Variants in ZNF512 observed in about 807,000 individuals in gnomAD.
ZNF512 encodes the protein zinc finger protein 512.
Under a neutral mutation model 77.5 loss-of-function variants are expected in ZNF512, and 25 were observed. The observed-to-expected ratio is 0.32, with a 90% CI of 0.23 to 0.45. The LOEUF (loss-of-function observed/expected upper bound fraction) is 0.45, where lower values mean the gene tolerates loss of function less well. ZNF512 is among the 20% of genes least tolerant of loss of function. ZNF512 has a pLI of 1.00. For missense variants in ZNF512, 483 were observed against 692.6 expected (o/e 0.70, Z 3.40); for synonymous variants, 246 against 239.9 (o/e 1.03, Z -0.24).
intron 10 of ZNF512, among the ~76,000 whole-genome samples, chr2:27,610,045 A>AAAT (rs1672542963): frequency 6.6e-6 from 1 of 151,482 alleles, no homozygotes; most frequent in Admixed American, 6.6e-5. Context: ...CATCTCAAAA[A>AAAT]AATAATAATA....
At chr2:27,586,040 T>G (rs570302896) in intron 2 of ZNF512, among the ~76,000 whole-genome samples, 1 of 152,308 alleles carries the variant, frequency 6.6e-6, no homozygotes, top group African/African-American at 2.4e-5. Flanking sequence ...CAAGAGTTAA[T>G]TATGATCATA....
At chr2:27,587,558 T>G (rs1572902593) in intron 2 of ZNF512, among the ~76,000 whole-genome samples, 1 of 152,026 alleles carries the variant, frequency 6.6e-6, no homozygotes, top group African/African-American at 2.4e-5. Flanking sequence ...ATTACATGCT[T>G]GAGCCACCAC....
rs1470539486 is a variant in ZNF512 at position 27,621,672 on chromosome 2, C to G, written c.*211C>G. On this transcript the variant is annotated 3_prime_UTR_variant, in exon 14 of 14. Transcript: ENST00000355467. The stretch of plus-strand genomic sequence containing the variant: ...AGTAGGTTTTCCTGCTATTCCTCGT[C>G]AAGTCCTCTTGTTTTTTTATCTTGC... 4 of 520,758 alleles carry G rather than the reference C, an allele frequency of 7.7e-6. No homozygotes were observed. Among genetic ancestry groups the G allele is most frequent in the African/African-American group, 5.7e-5 (3 of 52,282 alleles). The allele number at this position is 520,758 out of a possible 1,614,324, so 32.3% of individuals were successfully genotyped here.
chr2:27,587,722 C>T (rs1384532325), intron 2 of ZNF512, among the ~76,000 whole-genome samples: 1 of 150,626 alleles, frequency 6.6e-6, no homozygotes, highest in African/African-American at 2.4e-5. Flanking sequence ...ACTCTTGTTG[C>T]CCAGGCTGGA....
intron 2 of ZNF512, among the ~76,000 whole-genome samples, chr2:27,587,383 T>C (rs1022593591): frequency 6.6e-6 from 1 of 151,704 alleles, no homozygotes; most frequent in East Asian, 1.9e-4. Context: ...TTTAACTGAT[T>C]CTTCTGCCTT....
intron 9 of ZNF512, among the ~76,000 whole-genome samples, chr2:27,604,394 A>G (rs1006700370): frequency 1.3e-5 from 2 of 151,846 alleles, no homozygotes; most frequent in African/African-American, 4.8e-5. Flanking sequence ...ATTTGTTAAG[A>G]TACAATTTAC....
intron 1 of ZNF512, chr2:27,583,407 C>T (rs1049631999): frequency 7.0e-7 from 1 of 1,437,102 alleles, no homozygotes; most frequent in Non-Finnish European, 9.1e-7. Flanking sequence ...GTTGTCTTTT[C>T]TTTTGGCCTC....
chr2:27,610,370 A>T (rs534384737), intron 10 of ZNF512, among the ~76,000 whole-genome samples: 6,250 of 147,458 alleles, frequency 0.042, 222 homozygotes, highest in Middle Eastern at 0.063. Flanking sequence ...TATCAAAAAA[A>T]AAAAAAATAA....
chr2:27,610,313 G>A (rs1436468889), intron 10 of ZNF512, among the ~76,000 whole-genome samples: 2 of 142,718 alleles, frequency 1.4e-5, no homozygotes, highest in African/African-American at 2.6e-5. Flanking sequence ...GCAGTGAGCC[G>A]AGATTGTGCC....
intron 12 of ZNF512, among the ~76,000 whole-genome samples, chr2:27,616,678 A>T (rs73921571): frequency 0.033 from 5,072 of 152,242 alleles, 279 homozygotes; most frequent in African/African-American, 0.12. Context: ...ACTTTGTAGA[A>T]TCACCTTACA....
rs775681456 is a variant in ZNF512 at position 27,599,552 on chromosome 2, G to A, written c.278-31G>A. The A allele has an allele frequency of 3.9e-6, 6 of 1,556,082 alleles. No individual in the cohort carries two copies. In the African/African-American group the frequency reaches 6.8e-5, roughly 18 times the overall value. On this transcript the variant is annotated intron_variant, in intron 3 of 13. Transcript: ENST00000355467. Reference sequence around the variant, plus strand: ...GATGTTCATTTACAAAGTGTGCTGAGTTTTTGTTTTGTTTTTGTATGGTAC... The same window carrying A: ...GATGTTCATTTACAAAGTGTGCTGAATTTTTGTTTTGTTTTTGTATGGTAC...
Position 27,591,089 on chromosome 2 carries a change from C to T in ZNF512, c.90-6978C>T, listed in dbSNP as rs181771891. On this transcript the variant is annotated intron_variant, in intron 2 of 13. Coordinates refer to ENST00000355467, the MANE Select transcript of ZNF512 (RefSeq NM_032434.4). ...TCTCACTCTGTTGCCAAGGCTGAAGCGCAGTGGTGCGGTCATAGCTCACTG... is the reference window on the plus strand; with the variant it reads ...TCTCACTCTGTTGCCAAGGCTGAAGTGCAGTGGTGCGGTCATAGCTCACTG... 2.6e-3 allele frequency among the ~76,000 whole-genome samples: 399 copies of T among 152,198 alleles called. 2 individuals carry two copies. The highest frequency in any genetic ancestry group is 4.5e-3 in the Non-Finnish European group (306 of 68,006).
intron 13 of ZNF512, among the ~76,000 whole-genome samples, chr2:27,618,882 A>G (rs1673007992): frequency 6.6e-6 from 1 of 152,184 alleles, no homozygotes; most frequent in Non-Finnish European, 1.5e-5. Flanking sequence ...TCACTGCAGA[A>G]ACTATTGCTG....
At chr2:27,607,385 G>A (rs541044616) in intron 9 of ZNF512, among the ~76,000 whole-genome samples, 1 of 120,716 alleles carries the variant, frequency 8.3e-6, no homozygotes, top group Admixed American at 8.4e-5. Flanking sequence ...TTTTTTTTTT[G>A]AGACAGAGTT....
chr2:27,587,322 G>A (rs1024799295), intron 2 of ZNF512, among the ~76,000 whole-genome samples: 1 of 149,044 alleles, frequency 6.7e-6, no homozygotes, highest in Non-Finnish European at 1.5e-5. Context: ...TGTCACCCAG[G>A]CTGGAGTGCA....
chr2:27,589,077 T>C (rs1671462457), intron 2 of ZNF512, among the ~76,000 whole-genome samples: 1 of 152,224 alleles, frequency 6.6e-6, no homozygotes, highest in Non-Finnish European at 1.5e-5. Context: ...ATCCTGACAC[T>C]TTATAAATTA....
chr2:27,620,738 G>T (rs1211052354), intron 13 of ZNF512, among the ~76,000 whole-genome samples: 1 of 152,104 alleles, frequency 6.6e-6, no homozygotes, highest in East Asian at 1.9e-4. Flanking sequence ...TTCGCCCATG[G>T]TCACGTATCT....
intron 10 of ZNF512, among the ~76,000 whole-genome samples, chr2:27,613,645 T>G (rs1672759170): frequency 6.6e-6 from 1 of 152,194 alleles, no homozygotes; most frequent in African/African-American, 2.4e-5. Flanking sequence ...AGTGGTCTTC[T>G]GTATAGATGG....
Position 27,621,195 on chromosome 2 carries a change from A to G in ZNF512, c.1438A>G (p.Lys480Glu). The change falls in exon 14 of 14, where the codon AAG (lysine) becomes GAG (glutamate). Residue 480 changes from lysine (K) to glutamate (E), a missense_variant. Around this residue, in one of 2 missense-constraint regions of ZNF512, gnomAD observed 324 missense variants for 525.0 expected, o/e 0.62. Coordinates refer to ENST00000355467, the MANE Select transcript of ZNF512 (RefSeq NM_032434.4). ...CCCAACAACAACCAAAAGCTTTGAA[A>G]AGCTGATGAAGATAAAGCAGCGGCA... ...VNPTTTKSFE[K>E]LMKIKQRQQE... The G allele has an allele frequency of 6.2e-7, 1 of 1,614,152 alleles. No individual in the cohort carries two copies. Among genetic ancestry groups the G allele is most frequent in the Non-Finnish European group, 8.5e-7 (1 of 1,180,032 alleles).
Sources: allele counts gnomAD v4.1 joint callset (sites outside exome capture counted in the v4.1 genomes callset), GRCh38; gene constraint gnomAD v4.1.1; regional missense constraint gnomAD v4.1.1; transcripts MANE v1.5; gene names NCBI Gene and HGNC (gene_info 2026-07-23, HGNC 2026-07-21).